SGCD: variants seen among roughly 807,000 people sequenced by gnomAD.
The protein encoded by SGCD is delta-sarcoglycan.
A neutral mutation model predicts 36.6 loss-of-function variants in SGCD; 18 were observed. That is an observed-to-expected ratio of 0.49 (90% confidence interval 0.34 to 0.73). The LOEUF (loss-of-function observed/expected upper bound fraction) is 0.73, where lower values mean the gene tolerates loss of function less well. Among genes scored for constraint, SGCD ranks in the 30% least tolerant of loss-of-function variants. SGCD has a pLI of 0.01. For synonymous variants in SGCD, 133 were observed against 130.6 expected, an observed-to-expected ratio of 1.02 and a Z score of -0.12; for missense variants, 387 against 346.7, an observed-to-expected ratio of 1.12 and a Z score of -0.92.
chr5:156,459,443 G>A (rs1169258534), intron 3 of SGCD, among the ~76,000 whole-genome samples: 1 of 152,152 alleles, frequency 6.6e-6, no homozygotes, highest in Non-Finnish European at 1.5e-5. Flanking sequence ...GAAAATGAGA[G>A]TCAACGGTTT....
At position 156,608,728 on chromosome 5, in the gene SGCD, C is replaced by T. The variant is rs537263145; in HGVS notation, c.502+13677C>T. 3.1e-3 allele frequency among the ~76,000 whole-genome samples: 471 copies of T among 152,212 alleles called. 4 individuals carry two copies. The highest frequency in any genetic ancestry group is 9.8e-3 in the African/African-American group (405 of 41,500). Reference sequence around the variant, plus strand: ...ACTTGCTTTATGAATCTGGGTGCTCCTGTATTGGGTGCCTATATATTTAGG... The same window carrying T: ...ACTTGCTTTATGAATCTGGGTGCTCTTGTATTGGGTGCCTATATATTTAGG... On this transcript the variant is annotated intron_variant, in intron 6 of 8. Coordinates refer to ENST00000337851, the MANE Select transcript of SGCD (RefSeq NM_000337.6).
chr5:156,723,849 A>ATGTGTG (rs1491539931), intron 7 of SGCD, among the ~76,000 whole-genome samples: 2 of 63,228 alleles, frequency 3.2e-5, no homozygotes, highest in African/African-American at 1.2e-4. Context: ...GTTTTAAGCC[A>ATGTGTG]AGTGTGTGTG....
chr5:155,949,396 A>G (rs1235537919), intron 1 of SGCD, among the ~76,000 whole-genome samples: 1 of 152,196 alleles, frequency 6.6e-6, no homozygotes, highest in Non-Finnish European at 1.5e-5. Context: ...CAATGTTTTC[A>G]TGATTAAATT....
intron 3 of SGCD, among the ~76,000 whole-genome samples, chr5:156,239,603 A>G (rs1253965131): frequency 6.6e-6 from 1 of 152,210 alleles, no homozygotes; most frequent in Non-Finnish European, 1.5e-5. Context: ...ATTGTTTTCT[A>G]TCATACTTAA....
chr5:155,816,460 T>C, the SGCD span, among the ~76,000 whole-genome samples: 2 of 152,216 alleles, frequency 1.3e-5, no homozygotes. Flanking sequence ...AAGATCTTCA[T>C]CCTTGTTGAC....
chr5:156,354,366 T>G (rs1260374018), intron 3 of SGCD, among the ~76,000 whole-genome samples: 2 of 152,068 alleles, frequency 1.3e-5, no homozygotes, highest in East Asian at 3.9e-4. Context: ...CTTAGGCCAC[T>G]GGAGGGGAAA....
At chr5:156,371,993 C>T (rs1248682591) in intron 3 of SGCD, among the ~76,000 whole-genome samples, 1 of 152,156 alleles carries the variant, frequency 6.6e-6, no homozygotes, top group Non-Finnish European at 1.5e-5. Context: ...TTTATGCCAT[C>T]ACTCTAAAAA....
At chr5:156,559,249 C>A (rs1759174323) in intron 4 of SGCD, among the ~76,000 whole-genome samples, 1 of 152,098 alleles carries the variant, frequency 6.6e-6, no homozygotes, top group African/African-American at 2.4e-5. Flanking sequence ...GGTTTTCCAT[C>A]ATGAAGACAT....
intron 7 of SGCD, among the ~76,000 whole-genome samples, chr5:156,731,747 C>G (rs1212643774): frequency 6.6e-6 from 1 of 152,138 alleles, no homozygotes; most frequent in Non-Finnish European, 1.5e-5. Context: ...AGCATTGAAT[C>G]TATAAATTGC....
chr5:156,262,243 A>G (rs957859049), intron 3 of SGCD, among the ~76,000 whole-genome samples: 1 of 152,090 alleles, frequency 6.6e-6, no homozygotes, highest in African/African-American at 2.4e-5. Flanking sequence ...CAGCTATACC[A>G]TTTTAAAAAA....
At chr5:156,334,881 A>G (rs779703379) in intron 2 of SGCD, among the ~76,000 whole-genome samples, 20 of 152,080 alleles carry the variant, frequency 1.3e-4, no homozygotes, top group Non-Finnish European at 2.8e-4. Context: ...CACACTGAAT[A>G]TACGTCTATG....
chr5:156,191,013 A>C (rs1763878601), intron 3 of SGCD, among the ~76,000 whole-genome samples: 1 of 152,132 alleles, frequency 6.6e-6, no homozygotes, highest in East Asian at 1.9e-4. Context: ...AATTAGGCAA[A>C]CATGTCAAAA....
At chr5:155,898,536 A>T (rs1272591316) in intron 1 of SGCD, among the ~76,000 whole-genome samples, 1 of 152,188 alleles carries the variant, frequency 6.6e-6, no homozygotes, top group African/African-American at 2.4e-5. Flanking sequence ...AGCAGTGAGT[A>T]ATTTCCCCTG....
intron 3 of SGCD, among the ~76,000 whole-genome samples, chr5:156,310,195 C>T (rs953171666): frequency 4.6e-5 from 7 of 152,138 alleles, no homozygotes; most frequent in Non-Finnish European, 7.3e-5. Context: ...ATATCCTAGT[C>T]TTTAATGCTT....
chr5:156,753,732 T>C (rs139588601), intron 7 of SGCD, among the ~76,000 whole-genome samples: 2,020 of 152,164 alleles, frequency 0.013, 39 homozygotes, highest in African/African-American at 0.046. Flanking sequence ...AAGCCTCTTA[T>C]AAAACCATCA....
At chr5:156,481,720 G>T (rs1488013069) in intron 3 of SGCD, among the ~76,000 whole-genome samples, 1 of 152,124 alleles carries the variant, frequency 6.6e-6, no homozygotes, top group Non-Finnish European at 1.5e-5. Flanking sequence ...CCTTACTAGG[G>T]TGAGTTATGA....
chr5:156,453,453 A>G (rs1320146048), intron 3 of SGCD, among the ~76,000 whole-genome samples: 1 of 152,188 alleles, frequency 6.6e-6, no homozygotes, highest in Non-Finnish European at 1.5e-5. Context: ...TGTAAACATG[A>G]ATGTTCATAG....
chr5:156,079,903 G>A (rs955948470), intron 1 of SGCD, among the ~76,000 whole-genome samples: 17 of 152,204 alleles, frequency 1.1e-4, no homozygotes, highest in Admixed American at 6.5e-4. Flanking sequence ...CCACTACACA[G>A]TGCCCACTGT....
At chr5:156,048,789 A>G (rs1759841881) in intron 1 of SGCD, among the ~76,000 whole-genome samples, 1 of 151,952 alleles carries the variant, frequency 6.6e-6, no homozygotes. Flanking sequence ...GTTCACTCTG[A>G]TGGTAGTTTC....
Sources: gnomAD v4.1 joint callset for allele counts (sites outside exome capture counted in the v4.1 genomes callset) on GRCh38, gnomAD v4.1.1 for gene constraint, MANE v1.5 for transcripts, NCBI Gene and HGNC (gene_info 2026-07-23, HGNC 2026-07-21) for gene names.